Variants in FBLN5 observed in about 807,000 individuals in gnomAD.
The protein encoded by FBLN5 is fibulin 5, also known as fibulin-5.
In FBLN5, 24 loss-of-function variants were observed where a neutral mutation model predicts 61.6. The observed-to-expected ratio is 0.39, with a 90% CI of 0.28 to 0.55. The LOEUF is 0.55. Ranked by LOEUF, FBLN5 falls within the 20% of genes least tolerant of loss-of-function variation. The pLI is 0.65. For missense variants in FBLN5, 470 were observed against 594.1 expected, an observed-to-expected ratio of 0.79 and a Z score of 2.17; for synonymous variants, 213 against 219.8, an observed-to-expected ratio of 0.97 and a Z score of 0.27.
intron 5 of FBLN5, among the ~76,000 whole-genome samples, chr14:91,891,569 C>G (rs535166109): frequency 6.6e-6 from 1 of 152,182 alleles, no homozygotes; most frequent in South Asian, 2.1e-4. Context: ...CCCATAAATA[C>G]CTGAACCTAT....
chr14:91,902,293 T>G (rs1366174602), intron 4 of FBLN5, among the ~76,000 whole-genome samples: 1 of 151,506 alleles, frequency 6.6e-6, no homozygotes, highest in African/African-American at 2.4e-5. Context: ...TTTTTTTTTT[T>G]TTTTTTCAAA....
rs1000090638 is a variant in FBLN5 at position 91,937,684 on chromosome 14, G to A, written c.125-483C>T. Among the ~76,000 whole-genome samples, 8 of 152,260 alleles carry A rather than the reference G, an allele frequency of 5.3e-5. No homozygotes were observed. In the South Asian group the frequency reaches 6.2e-4, roughly 12 times the overall value. The stretch of plus-strand genomic sequence containing the variant: ...GGCCCCTCACCGTGTGATGCCTTGC[G>A]TACTTCGGAACTCTGCAGAGAGCCC... On this transcript the variant is annotated intron_variant, in intron 3 of 10. Coordinates refer to ENST00000342058, the MANE Select transcript of FBLN5 (RefSeq NM_006329.4).
At chr14:91,935,521 G>C (rs2056000133) in intron 4 of FBLN5, among the ~76,000 whole-genome samples, 1 of 152,180 alleles carries the variant, frequency 6.6e-6, no homozygotes, top group South Asian at 2.1e-4. Flanking sequence ...CTCTATCTCT[G>C]CATTTTCTTT....
chr14:91,880,541 GT>G (rs1566800743), intron 9 of FBLN5, among the ~76,000 whole-genome samples: 5 of 151,732 alleles, frequency 3.3e-5, no homozygotes, highest in African/African-American at 1.2e-4. Flanking sequence ...GTGTGTGTGT[GT>G]GTGTGTGTGT....
chr14:91,927,215 C>G (rs1048782186), intron 4 of FBLN5, among the ~76,000 whole-genome samples: 2 of 152,234 alleles, frequency 1.3e-5, no homozygotes, highest in Non-Finnish European at 2.9e-5. Flanking sequence ...GGCACACACT[C>G]TCCATAAAAT....
At chr14:91,892,308 C>T (rs1031620250) in intron 5 of FBLN5, among the ~76,000 whole-genome samples, 1 of 152,182 alleles carries the variant, frequency 6.6e-6, no homozygotes, top group Non-Finnish European at 1.5e-5. Context: ...CTGACTGTAG[C>T]TGGAACTGGT....
chr14:91,870,452 G>A, intron 10 of FBLN5, 67 bp from the exon 11 acceptor site: 1 of 1,523,568 alleles, frequency 6.6e-7, no homozygotes. Context: ...CCCCACCTGG[G>A]CGCTCCCTTG....
At chr14:91,876,343 A>G (rs961127948) in intron 10 of FBLN5, among the ~76,000 whole-genome samples, 2 of 152,210 alleles carry the variant, frequency 1.3e-5, no homozygotes, top group African/African-American at 4.8e-5. Flanking sequence ...ATGGCTCCCC[A>G]CAGTGACCCT....
In FBLN5 at chr14:91,882,396, T is replaced by A. The variant is rs1000603165; in HGVS notation, c.862+558A>T. Among the ~76,000 whole-genome samples the A allele has an allele frequency of 6.6e-6, 1 of 152,030 alleles. No homozygotes were observed. Among genetic ancestry groups the A allele is most frequent in the African/African-American group, 2.4e-5 (1 of 41,394 alleles). On this transcript the variant is annotated intron_variant, in intron 8 of 10. Coordinates refer to ENST00000342058, the MANE Select transcript of FBLN5 (RefSeq NM_006329.4). The surrounding 1 kb of genome is among the most constrained non-coding windows in gnomAD (Gnocchi z 4.9). The stretch of plus-strand genomic sequence containing the variant: ...AGTTGCTTCTGCAATGACCCCTCAG[T>A]GGGTGGAGCATGGGGCTGGAACCCA...
chr14:91,912,945 ATCCAT>A (rs1258120181), intron 4 of FBLN5, among the ~76,000 whole-genome samples: 1 of 152,160 alleles, frequency 6.6e-6, no homozygotes, highest in Admixed American at 6.5e-5. Flanking sequence ...TCACTCATCC[ATCCAT>A]TCATCCATTC....
rs74622302 is a variant in FBLN5, at chr14:91,908,512, G to A, written c.380-13440C>T. 7.2e-3 allele frequency among the ~76,000 whole-genome samples: 1,093 copies of A among 152,310 alleles called. 28 individuals are homozygous for A. Among genetic ancestry groups the A allele is most frequent in the African/African-American group, 0.025 (1,044 of 41,560 alleles). On this transcript the variant is annotated intron_variant, in intron 4 of 10. Transcript: ENST00000342058. ...GATACGAACTCAAGGCCGCCTATTT[G>A]AGCCCAGTCTTTTCTTGACCCTCAC...
intron 4 of FBLN5, among the ~76,000 whole-genome samples, chr14:91,902,876 A>C (rs1022355944): frequency 6.6e-6 from 1 of 152,192 alleles, no homozygotes; most frequent in Admixed American, 6.5e-5. Context: ...ATGTTCACTT[A>C]TAAGTGGGAA....
intron 4 of FBLN5, among the ~76,000 whole-genome samples, chr14:91,898,996 G>A (rs1890343921): frequency 6.6e-6 from 1 of 151,800 alleles, no homozygotes; most frequent in East Asian, 1.9e-4. Flanking sequence ...TAGAGATGGG[G>A]TTTCACCATG....
intron 2 of FBLN5, among the ~76,000 whole-genome samples, chr14:91,941,562 G>T (rs552055081): frequency 2.6e-5 from 4 of 152,226 alleles, no homozygotes; most frequent in East Asian, 1.9e-4. Context: ...CCGGGAGAGG[G>T]TTCAGGGGTC....
chr14:91,894,556 T>C (rs1448168791), intron 5 of FBLN5, among the ~76,000 whole-genome samples: 2 of 151,158 alleles, frequency 1.3e-5, no homozygotes, highest in Non-Finnish European at 2.9e-5. Context: ...GCCCCATTTG[T>C]ACAAAAAATA....
At chr14:91,900,344 T>C (rs1314261944) in intron 4 of FBLN5, among the ~76,000 whole-genome samples, 1 of 152,268 alleles carries the variant, frequency 6.6e-6, no homozygotes, top group Non-Finnish European at 1.5e-5. Context: ...CTATGTGTTA[T>C]ATTTGAATGC....
At position 91,881,282 on chromosome 14, in the gene FBLN5, C is replaced by A; in HGVS notation, c.989+10G>T. ...AGGTTTCTATTCCCCAGGGGGACGCCGTGACTTACTTATCACTGATCCTCA... is the reference window on the plus strand; with the variant it reads ...AGGTTTCTATTCCCCAGGGGGACGCAGTGACTTACTTATCACTGATCCTCA... On this transcript the variant is annotated intron_variant, in intron 9 of 10. Transcript: ENST00000342058. 6.2e-7 allele frequency: 1 copy of A among 1,613,964 alleles called. No individual in the cohort carries two copies. The highest frequency in any genetic ancestry group is 8.5e-7 in the Non-Finnish European group (1 of 1,179,912).
chr14:91,920,874 T>C (rs1366387107), intron 4 of FBLN5, among the ~76,000 whole-genome samples: 1 of 152,202 alleles, frequency 6.6e-6, no homozygotes, highest in Non-Finnish European at 1.5e-5. Flanking sequence ...TTAGAACTGG[T>C]CTTCAACTCC....
chr14:91,939,709 C>A (rs2056077686), intron 3 of FBLN5: 2 of 292,638 alleles, frequency 6.8e-6, no homozygotes, highest in Non-Finnish European at 1.3e-5. Context: ...GAGTCCATTG[C>A]AAAAGATGGC....
Sources: gnomAD v4.1 joint callset for allele counts (sites outside exome capture counted in the v4.1 genomes callset) on GRCh38, gnomAD v4.1.1 for gene constraint, Gnocchi (gnomAD v3.1) non-coding constraint, MANE v1.5 for transcripts, NCBI Gene and HGNC (gene_info 2026-07-23, HGNC 2026-07-21) for gene names.